The following ROBO1 variants were observed in gnomAD, a reference collection of about 807,000 sequenced individuals.
ROBO1 encodes roundabout guidance receptor 1.
ROBO1 carries 149 observed loss-of-function variants against 195.9 expected under a neutral mutation model. The ratio of observed to expected loss-of-function variants is 0.76; its 90% confidence interval spans 0.67 to 0.87. The LOEUF is 0.87. Among genes scored for constraint, ROBO1 ranks in the 40% least tolerant of loss-of-function variants. The probability of loss-of-function intolerance (pLI) is 0.00; values close to 1 mark genes in which losing one functional copy is unlikely to be tolerated. For synonymous variants in ROBO1, 816 were observed against 733.2 expected, an observed-to-expected ratio of 1.11 and a Z score of -1.82; for missense variants, 1,933 against 2,068.3, an observed-to-expected ratio of 0.93 and a Z score of 1.27.
At chr3:79,294,865 C>T (rs2109039974) in intron 2 of ROBO1, among the ~76,000 whole-genome samples, 1 of 152,290 alleles carries the variant, frequency 6.6e-6, no homozygotes, top group South Asian at 2.1e-4. Context: ...CATCACTAGT[C>T]ATTAGAGAAA....
At chr3:78,993,575 A>G (rs2077286167) in intron 3 of ROBO1, among the ~76,000 whole-genome samples, 1 of 152,140 alleles carries the variant, frequency 6.6e-6, no homozygotes, top group Non-Finnish European at 1.5e-5. Context: ...CTAAGTGAAA[A>G]GCCTTGACCT....
chr3:79,242,838 T>C (rs986118829), intron 2 of ROBO1, among the ~76,000 whole-genome samples: 1 of 152,152 alleles, frequency 6.6e-6, no homozygotes, highest in Admixed American at 6.6e-5. Flanking sequence ...TATTTCTTTC[T>C]TTTTTCATTA....
chr3:79,767,129 A>G (rs1328099245), intron 1 of ROBO1, among the ~76,000 whole-genome samples: 1 of 152,092 alleles, frequency 6.6e-6, no homozygotes, highest in East Asian at 1.9e-4. Flanking sequence ...ACCAAAATCC[A>G]CCTAGTAACG....
At chr3:79,654,104 T>C (rs1462587223) in intron 1 of ROBO1, among the ~76,000 whole-genome samples, 3 of 152,020 alleles carry the variant, frequency 2.0e-5, no homozygotes, top group African/African-American at 7.2e-5. Context: ...CAAGCACGTT[T>C]ATAAAGTATA....
At chr3:78,604,038 AC>A in intron 29 of ROBO1, among the ~76,000 whole-genome samples, 1 of 151,840 alleles carries the variant, frequency 6.6e-6, no homozygotes, top group East Asian at 1.9e-4. Flanking sequence ...AATCTCACCT[AC>A]TTTTTAATTT....
chr3:79,271,917 T>C (rs1445167928), intron 2 of ROBO1, among the ~76,000 whole-genome samples: 3 of 152,066 alleles, frequency 2.0e-5, no homozygotes, highest in Admixed American at 2.0e-4. Flanking sequence ...AAATGTGGAT[T>C]CTGGAATACA....
intron 2 of ROBO1, among the ~76,000 whole-genome samples, chr3:79,325,243 T>C (rs937887435): frequency 6.6e-5 from 10 of 152,224 alleles, no homozygotes; most frequent in African/African-American, 1.7e-4. Context: ...GGTCTCTACA[T>C]TGAACTTCTT....
intron 2 of ROBO1, among the ~76,000 whole-genome samples, chr3:79,231,688 T>TAC (rs1559751967): frequency 6.6e-6 from 1 of 152,174 alleles, no homozygotes; most frequent in African/African-American, 2.4e-5. Flanking sequence ...GAAATGCCAT[T>TAC]TGACCCAGCA....
intron 3 of ROBO1, among the ~76,000 whole-genome samples, chr3:79,100,335 A>G (rs1037722011): frequency 6.6e-6 from 1 of 151,784 alleles, no homozygotes; most frequent in Non-Finnish European, 1.5e-5. Context: ...TTCCAATGTC[A>G]TTTATTGGCT....
At chr3:79,417,173 T>C (rs1207240942) in intron 2 of ROBO1, among the ~76,000 whole-genome samples, 1 of 152,144 alleles carries the variant, frequency 6.6e-6, no homozygotes, top group Non-Finnish European at 1.5e-5. Flanking sequence ...GTGGAAATGA[T>C]GCTGTGATTC....
chr3:78,657,192 G>T lies in ROBO1; in HGVS notation c.2520C>A (p.Pro840=). The change falls in exon 18 of 31, where the codon CCC becomes CCA. Residue 840 remains proline (P), a synonymous_variant. Coordinates refer to ENST00000464233, the MANE Select transcript of ROBO1 (RefSeq NM_002941.4). ...VDGSTFSVVI[P]FLVPGIRYSV... is the part of the protein sequence containing the mutation. ...TGTATCGGATTCCAGGAACAAGAAA[G>T]GGAATGACCACGGAAAAGGTGGAAC... 6.2e-7 allele frequency: 1 copy of T among 1,613,470 alleles called. No homozygotes were observed. The highest frequency in any genetic ancestry group is 8.5e-7 in the Non-Finnish European group (1 of 1,179,672).
chr3:79,577,696 A>G (rs1318435822), intron 2 of ROBO1, among the ~76,000 whole-genome samples: 3 of 150,650 alleles, frequency 2.0e-5, no homozygotes, highest in Non-Finnish European at 4.4e-5. Context: ...ACCAACATGA[A>G]GAAATCCTGT....
In ROBO1 at chr3:78,998,225, T is replaced by G. The variant is rs1016797340; in HGVS notation, c.173-59298A>C. Among the ~76,000 whole-genome samples the G allele has an allele frequency of 4.7e-4, 72 of 152,196 alleles. 1 individual carries two copies. The highest frequency in any genetic ancestry group is 4.4e-5 in the Non-Finnish European group (3 of 68,036). Reference sequence around the variant, plus strand: ...ATACGACTCAGAAATAACCATTTCCTTTAATTCTGTCTTCTTTAATAACAC... The same window carrying G: ...ATACGACTCAGAAATAACCATTTCCGTTAATTCTGTCTTCTTTAATAACAC... On this transcript the variant is annotated intron_variant, in intron 3 of 30. Transcript: ENST00000464233.
chr3:79,387,451 A>G (rs1396390199), intron 2 of ROBO1, among the ~76,000 whole-genome samples: 2 of 150,144 alleles, frequency 1.3e-5, no homozygotes, highest in African/African-American at 4.9e-5. Flanking sequence ...TGCATGTTAT[A>G]TATAATATAT....
chr3:79,540,245 T>C (rs147863917), intron 2 of ROBO1, among the ~76,000 whole-genome samples: 11 of 152,186 alleles, frequency 7.2e-5, no homozygotes, highest in Admixed American at 3.3e-4. Context: ...GCAAAAAATA[T>C]GATTTTGTTT....
At chr3:78,968,505 T>A (rs1246757706) in intron 3 of ROBO1, among the ~76,000 whole-genome samples, 1 of 151,940 alleles carries the variant, frequency 6.6e-6, no homozygotes, top group African/African-American at 2.4e-5. Flanking sequence ...CTCGAACTCC[T>A]GACCTCAAGT....
chr3:78,743,117 G>A (rs1174405059), intron 5 of ROBO1, among the ~76,000 whole-genome samples: 4 of 151,772 alleles, frequency 2.6e-5, no homozygotes, highest in Non-Finnish European at 4.4e-5. Context: ...CTTTCAAAAC[G>A]CAAGACTACA....
At chr3:79,347,361 G>T (rs1428074138) in intron 2 of ROBO1, among the ~76,000 whole-genome samples, 1 of 152,136 alleles carries the variant, frequency 6.6e-6, no homozygotes, top group Non-Finnish European at 1.5e-5. Flanking sequence ...CCCAAATTCT[G>T]TAATATCTTA....
chr3:78,639,724 G>T lies in ROBO1; in HGVS notation c.3037+20C>A. 6.2e-7 allele frequency: 1 copy of T among 1,604,178 alleles called. No individual in the cohort carries two copies. The highest frequency in any genetic ancestry group is 8.5e-7 in the Non-Finnish European group (1 of 1,173,606). On this transcript the variant is annotated intron_variant, in intron 22 of 30. Transcript: ENST00000464233. The stretch of plus-strand genomic sequence containing the variant: ...TCCTTAAAAAGCTTATACATATCAG[G>T]CTCTCTCTGTGTCCCTAACCTGGGC...
Sources: allele counts gnomAD v4.1 joint callset (sites outside exome capture counted in the v4.1 genomes callset), GRCh38; gene constraint gnomAD v4.1.1; transcripts MANE v1.5; gene names NCBI Gene and HGNC (gene_info 2026-07-23, HGNC 2026-07-21).